SH3PXD2A: variants seen among roughly 807,000 people sequenced by gnomAD.
SH3PXD2A encodes SH3 and PX domains 2A.
Under a neutral mutation model 115.2 loss-of-function variants are expected in SH3PXD2A, and 32 were observed. The observed-to-expected ratio is 0.28, with a 90% CI of 0.21 to 0.37. The LOEUF (loss-of-function observed/expected upper bound fraction) is 0.37, where lower values mean the gene tolerates loss of function less well. Among genes scored for constraint, SH3PXD2A ranks in the 10% least tolerant of loss-of-function variants. The pLI, the probability that SH3PXD2A is intolerant of heterozygous loss-of-function variation, is 1.00. For synonymous variants in SH3PXD2A, 610 were observed against 629.1 expected, an observed-to-expected ratio of 0.97 and a Z score of 0.45; for missense variants, 1,328 against 1,498.7, an observed-to-expected ratio of 0.89 and a Z score of 1.88.
At chr10:103,622,047 G>C (rs1236817307) in intron 10 of SH3PXD2A, among the ~76,000 whole-genome samples, 1 of 152,186 alleles carries the variant, frequency 6.6e-6, no homozygotes, top group Non-Finnish European at 1.5e-5. Flanking sequence ...CTTTGGCCGA[G>C]GGAGCATTTT....
chr10:103,812,703 G>A (rs978215183), intron 1 of SH3PXD2A, among the ~76,000 whole-genome samples: 2 of 152,118 alleles, frequency 1.3e-5, no homozygotes, highest in African/African-American at 4.8e-5. Flanking sequence ...CACACAGCCT[G>A]CAGGGGAAAT....
intron 8 of SH3PXD2A, among the ~76,000 whole-genome samples, chr10:103,658,528 A>G (rs1011041900): frequency 2.0e-5 from 3 of 152,148 alleles, no homozygotes; most frequent in South Asian, 4.1e-4. Flanking sequence ...CATCCCAGAG[A>G]TCTGCAGCTT....
At chr10:103,697,445 C>T (rs1391982390) in intron 5 of SH3PXD2A, among the ~76,000 whole-genome samples, 1 of 152,190 alleles carries the variant, frequency 6.6e-6, no homozygotes, top group Non-Finnish European at 1.5e-5. Flanking sequence ...GACCTCACCA[C>T]GATGCTGGCA....
At chr10:103,697,614 G>A (rs2037840332) in intron 5 of SH3PXD2A, among the ~76,000 whole-genome samples, 1 of 152,128 alleles carries the variant, frequency 6.6e-6, no homozygotes, top group South Asian at 2.1e-4. Flanking sequence ...CCCTCTATTA[G>A]GACACATTTA....
intron 1 of SH3PXD2A, among the ~76,000 whole-genome samples, chr10:103,825,762 AT>A (rs370142036): frequency 5.6e-4 from 74 of 132,410 alleles, no homozygotes; most frequent in African/African-American, 1.2e-3. Flanking sequence ...TCCGTAACAA[AT>A]TTTTTTTTTT....
intron 8 of SH3PXD2A, among the ~76,000 whole-genome samples, chr10:103,643,136 C>T (rs2036978800): frequency 6.6e-6 from 1 of 152,224 alleles, no homozygotes; most frequent in East Asian, 1.9e-4. Context: ...AGCTCTCTGA[C>T]AACGTGGATT....
chr10:103,617,109 T>C, intron 11 of SH3PXD2A, 88 bp downstream of exon 11: 1 of 844,216 alleles, frequency 1.2e-6, no homozygotes, highest in East Asian at 2.4e-5. Flanking sequence ...AGTATCTACC[T>C]GCCATCAGGT....
Position 103,601,999 on chromosome 10 carries a change from G to A in SH3PXD2A, c.3219C>T (p.Leu1073=). 5 of 1,613,910 alleles carry A rather than the reference G, an allele frequency of 3.1e-6. No individual in the cohort carries two copies. Among genetic ancestry groups the A allele is most frequent in the Non-Finnish European group, 4.2e-6 (5 of 1,179,924 alleles). The part of the protein sequence containing the change: ...IEKSQFIHNN[L]KDVYVSIADY... ...CTGCGATAGAGACGTACACATCTTTGAGGTTATTGTGGATGAACTGAGACT... is the reference window on the plus strand; with the variant it reads ...CTGCGATAGAGACGTACACATCTTTAAGGTTATTGTGGATGAACTGAGACT... The change falls in exon 15 of 15, where the codon CTC becomes CTT. Residue 1073 remains leucine (L), a synonymous_variant. Coordinates refer to ENST00000369774, the MANE Select transcript of SH3PXD2A (RefSeq NM_001394015.1).
At chr10:103,740,194 C>A (rs944145097) in intron 3 of SH3PXD2A, among the ~76,000 whole-genome samples, 2 of 152,174 alleles carry the variant, frequency 1.3e-5, no homozygotes, top group African/African-American at 2.4e-5. Context: ...TTTAACCAGG[C>A]CCATTTTGTC....
intron 8 of SH3PXD2A, among the ~76,000 whole-genome samples, chr10:103,655,247 C>T (rs1348255590): frequency 6.6e-6 from 1 of 152,242 alleles, no homozygotes; most frequent in African/African-American, 2.4e-5. Context: ...GTCTGGTTCA[C>T]TGGAGCCAAA....
chr10:103,639,355 T>C (rs1014106850), intron 8 of SH3PXD2A, among the ~76,000 whole-genome samples: 1 of 152,198 alleles, frequency 6.6e-6, no homozygotes, highest in Admixed American at 6.5e-5. Context: ...CTCATGCCTG[T>C]AATCCTGGCA....
intron 5 of SH3PXD2A, among the ~76,000 whole-genome samples, chr10:103,722,600 CTTT>C (rs35815642): frequency 0.012 from 1,616 of 136,998 alleles, 23 homozygotes; most frequent in African/African-American, 0.039. Flanking sequence ...ATATGCCTAG[CTTT>C]TTTTTTTTTT....
intron 1 of SH3PXD2A, among the ~76,000 whole-genome samples, chr10:103,833,538 A>G (rs1564900030): frequency 6.6e-6 from 1 of 152,118 alleles, no homozygotes; most frequent in African/African-American, 2.4e-5. Flanking sequence ...AGTGGCGAAA[A>G]AGTTAGAGAC....
chr10:103,659,093 T>C (rs565043958), intron 8 of SH3PXD2A, among the ~76,000 whole-genome samples: 1 of 152,276 alleles, frequency 6.6e-6, no homozygotes, highest in South Asian at 2.1e-4. Flanking sequence ...ATCTCCCCCT[T>C]TGTCAAGGCT....
intron 3 of SH3PXD2A, 101 bp downstream of exon 3, chr10:103,766,993 C>A: frequency 1.2e-6 from 1 of 843,018 alleles, no homozygotes. Flanking sequence ...CCTGGGCATG[C>A]CCCGCCCAGA....
chr10:103,697,460 G>A (rs1448360314), intron 5 of SH3PXD2A, among the ~76,000 whole-genome samples: 2 of 152,314 alleles, frequency 1.3e-5, no homozygotes, highest in South Asian at 2.1e-4. Flanking sequence ...CTGGCAGACA[G>A]TGCCAGGCAG....
intron 1 of SH3PXD2A, among the ~76,000 whole-genome samples, chr10:103,823,843 G>C (rs568884839): frequency 2.0e-5 from 3 of 152,222 alleles, no homozygotes; most frequent in Non-Finnish European, 4.4e-5. Context: ...ATGAGGGAAA[G>C]AAGGGCAGCG....
rs775197757 is a variant in SH3PXD2A at position 103,602,312 on chromosome 10, C to T, written c.2906G>A (p.Arg969Lys). 1 of 1,613,774 alleles carries T rather than the reference C, an allele frequency of 6.2e-7. No individual in the cohort carries two copies. Among genetic ancestry groups the T allele is most frequent in the East Asian group, 2.2e-5 (1 of 44,882 alleles). The change falls in exon 15 of 15, where the codon AGG becomes AAG. Residue 969 changes from arginine to lysine, a missense_variant. Coordinates refer to ENST00000369774, the MANE Select transcript of SH3PXD2A (RefSeq NM_001394015.1). ...KTSGTPAVKM[R>K]NGVRQVAVRP... Reference sequence around the variant, plus strand: ...GACCGCCACCTGCCGCACTCCGTTCCTCATCTTCACCGCTGGAGTGCCTGA... The same window carrying T: ...GACCGCCACCTGCCGCACTCCGTTCTTCATCTTCACCGCTGGAGTGCCTGA...
chr10:103,614,246 C>A (rs1177369244), intron 11 of SH3PXD2A, among the ~76,000 whole-genome samples: 6 of 151,878 alleles, frequency 4.0e-5, no homozygotes, highest in Non-Finnish European at 7.4e-5. Flanking sequence ...CAGAGTGAGA[C>A]CCTGCCTCCA....
Sources: allele counts gnomAD v4.1 joint callset (sites outside exome capture counted in the v4.1 genomes callset), GRCh38; gene constraint gnomAD v4.1.1; transcripts MANE v1.5; gene names NCBI Gene and HGNC (gene_info 2026-07-23, HGNC 2026-07-21).